DIXDC1: variants seen among roughly 807,000 people sequenced by gnomAD.
DIXDC1 encodes the protein DIX domain containing 1, also known as dixin.
Under a neutral mutation model 103.1 loss-of-function variants are expected in DIXDC1, and 64 were observed. That is an observed-to-expected ratio of 0.62 (90% confidence interval 0.51 to 0.76). The LOEUF is 0.76. Ranked by LOEUF, DIXDC1 falls within the 30% of genes least tolerant of loss-of-function variation. The pLI, the probability that DIXDC1 is intolerant of heterozygous loss-of-function variation, is 0.00. For synonymous variants in DIXDC1, 266 were observed against 298.5 expected, an observed-to-expected ratio of 0.89 and a Z score of 1.12; for missense variants, 759 against 834.2, an observed-to-expected ratio of 0.91 and a Z score of 1.11.
chr11:111,992,485 CA>C lies in DIXDC1; in HGVS notation c.1187del (p.Asn396IlefsTer18). The C allele has an allele frequency of 6.4e-7, 1 of 1,573,592 alleles. No homozygotes were observed. The highest frequency in any genetic ancestry group is 8.6e-7 in the Non-Finnish European group (1 of 1,158,746). On this transcript the variant is annotated frameshift_variant, in exon 11 of 20. Transcript: ENST00000440460. LOFTEE classifies it high-confidence loss of function. ...VLQLKQELLR[A>X]NMDKDELHNQ... Reference sequence around the variant, plus strand: ...CAGCTCAAACAAGAGCTACTGAGGGCAAATATGGACAAAGATGAGCTGCACA... The same window carrying C: ...CAGCTCAAACAAGAGCTACTGAGGGCAATATGGACAAAGATGAGCTGCACA...
chr11:111,979,078 G>C (rs782386397), intron 5 of DIXDC1, among the ~76,000 whole-genome samples: 2 of 152,228 alleles, frequency 1.3e-5, no homozygotes, highest in Non-Finnish European at 2.9e-5. Context: ...TAGATCTATA[G>C]ATATGGTTAA....
intron 1 of DIXDC1, among the ~76,000 whole-genome samples, chr11:111,956,510 A>G (rs1859370222): frequency 6.6e-6 from 1 of 152,088 alleles, no homozygotes; most frequent in Non-Finnish European, 1.5e-5. Context: ...TTTTTTTAAG[A>G]TGGAGTTTCA....
At chr11:111,997,288 T>C (rs1215101719) in intron 17 of DIXDC1, among the ~76,000 whole-genome samples, 1 of 152,200 alleles carries the variant, frequency 6.6e-6, no homozygotes, top group African/African-American at 2.4e-5. Flanking sequence ...ATCCCAGATA[T>C]CTTTTCCTCT....
At chr11:112,000,517 T>C (rs1555175873) in intron 17 of DIXDC1, among the ~76,000 whole-genome samples, 13 of 151,856 alleles carry the variant, frequency 8.6e-5, no homozygotes. Flanking sequence ...GCCAATGTGG[T>C]GAAACCCCGT....
chr11:111,990,659 G>A (rs1476429939), intron 10 of DIXDC1, among the ~76,000 whole-genome samples: 3 of 151,834 alleles, frequency 2.0e-5, no homozygotes, highest in Non-Finnish European at 2.9e-5. Context: ...CTAGTCTTTT[G>A]CTAATATAAA....
intron 4 of DIXDC1, 122 bp from the exon 5 acceptor site, chr11:111,974,754 C>A: frequency 6.8e-7 from 1 of 1,475,740 alleles, no homozygotes; most frequent in Non-Finnish European, 9.0e-7. Context: ...GTCTTTGAGG[C>A]AGGGGTTTTG....
At chr11:112,011,406 A>G (rs1386733157) in intron 17 of DIXDC1, among the ~76,000 whole-genome samples, 1 of 152,190 alleles carries the variant, frequency 6.6e-6, no homozygotes, top group East Asian at 1.9e-4. Flanking sequence ...CGATTCCTCA[A>G]GGATCTAGAC....
chr11:112,006,345 C>T (rs587690445), intron 17 of DIXDC1, among the ~76,000 whole-genome samples: 140 of 152,280 alleles, frequency 9.2e-4, no homozygotes, highest in African/African-American at 3.2e-3. Flanking sequence ...TAGCCCCCAC[C>T]TCTGGGAGCA....
At chr11:111,988,756 T>C (rs1860588641) in intron 9 of DIXDC1, among the ~76,000 whole-genome samples, 1 of 152,174 alleles carries the variant, frequency 6.6e-6, no homozygotes, top group African/African-American at 2.4e-5. Flanking sequence ...GTATCTTCTT[T>C]CTTGGCAACT....
At chr11:112,016,841 A>C in intron 18 of DIXDC1, 45 bp downstream of exon 18, 4 of 1,518,052 alleles carry the variant, frequency 2.6e-6, no homozygotes, top group Middle Eastern at 3.4e-4. Context: ...GAAGGAAAGG[A>C]AGGCAGAACC....
In DIXDC1 at chr11:112,022,441, C is replaced by T. The variant is rs587613962; in HGVS notation, c.*3405C>T. The T allele has an allele frequency of 6.5e-6, 1 of 152,700 alleles. No homozygotes were observed. Among genetic ancestry groups the T allele is most frequent in the South Asian group, 2.1e-4 (1 of 4,834 alleles). 9.5% of individuals were successfully genotyped at this position (152,700 alleles called of 1,614,324 possible). ...ATTACTGTGTATTCTCCCTGTTTTA[C>T]AATATGTTTTCATGAAGACTATGTT... On this transcript the variant is annotated 3_prime_UTR_variant, in exon 20 of 20. Coordinates refer to ENST00000440460, the MANE Select transcript of DIXDC1 (RefSeq NM_001037954.4). This position sits in a 1 kb window ranked among gnomAD's most constrained non-coding sequence, Gnocchi z 4.9.
Position 111,974,042 on chromosome 11 carries a change from G to A in DIXDC1, c.336G>A (p.Leu112=). Residue 112 remains leucine, a synonymous_variant, in exon 4 of 20, where the codon CTG becomes CTA. Coordinates refer to ENST00000440460, the MANE Select transcript of DIXDC1 (RefSeq NM_001037954.4). ...CTTCAGATATTGTGGATGGAAACCT[G>A]AAGTCTATCATGAGGCTGGTCCTTG... ...TSAKDIVDGN[L]KSIMRLVLAL... 6.2e-7 allele frequency: 1 copy of A among 1,613,914 alleles called. No homozygotes were observed. The highest frequency in any genetic ancestry group is 8.5e-7 in the Non-Finnish European group (1 of 1,179,894).
chr11:111,937,630 T>C lies in DIXDC1; in HGVS notation c.60+71T>C, dbSNP rs1182658704. ...TCTCCCGCCCAGTCTCCGGAAGGGG[T>C]CCTCCTCCTCCTCCATCCTTTGGGG... On this transcript the variant is annotated intron_variant, in intron 1 of 19. Coordinates refer to ENST00000440460, the MANE Select transcript of DIXDC1 (RefSeq NM_001037954.4). The C allele has an allele frequency of 2.2e-6, 3 of 1,381,460 alleles. No individual in the cohort carries two copies. The African/African-American group carries it at 4.3e-5, about 20-fold the overall frequency. 85.6% of individuals were successfully genotyped at this position (1,381,460 alleles called of 1,614,324 possible).
Position 111,992,992 on chromosome 11 carries a change from GGGAGAA to G in DIXDC1, c.1261_1266del (p.Gly421_Glu422del). On this transcript the variant is annotated inframe_deletion, in exon 12 of 20. Coordinates refer to ENST00000440460, the MANE Select transcript of DIXDC1 (RefSeq NM_001037954.4). ...AGCTAGATGAGAGGAACCGGCTCTTGGGAGAATATAAAGTAAGAATGAATATCAGTT... is the reference window on the plus strand; with the variant it reads ...AGCTAGATGAGAGGAACCGGCTCTTGTATAAAGTAAGAATGAATATCAGTT... 1 of 1,605,500 alleles carries G rather than the reference GGGAGAA, an allele frequency of 6.2e-7. No individual in the cohort carries two copies. Among genetic ancestry groups the G allele is most frequent in the Non-Finnish European group, 8.5e-7 (1 of 1,176,076 alleles).
In DIXDC1 at chr11:112,020,118, ATT is replaced by A. The variant is rs1467862563; in HGVS notation, c.*1083_*1084del. Reference sequence around the variant, plus strand: ...GCATGAGTTGTGAATGGCAGGGATCATTCTGGGTAAAAAAAACCTAGAATCAT... The same window carrying A: ...GCATGAGTTGTGAATGGCAGGGATCACTGGGTAAAAAAAACCTAGAATCAT... On this transcript the variant is annotated 3_prime_UTR_variant, in exon 20 of 20. Transcript: ENST00000440460. 6.6e-6 allele frequency: 1 copy of A among 152,322 alleles called. No individual in the cohort carries two copies. The highest frequency in any genetic ancestry group is 2.4e-5 in the African/African-American group (1 of 41,440). 9.4% of individuals were successfully genotyped at this position (152,322 alleles called of 1,614,324 possible).
intron 1 of DIXDC1, among the ~76,000 whole-genome samples, chr11:111,947,886 C>T (rs1966650767): frequency 6.6e-6 from 1 of 152,144 alleles, no homozygotes; most frequent in Non-Finnish European, 1.5e-5. Context: ...GGTATGGTGG[C>T]TCACACCTAT....
Position 112,019,845 on chromosome 11 carries a change from A to T in DIXDC1, c.*809A>T, listed in dbSNP as rs587682307. 2 of 152,268 alleles carry T rather than the reference A, an allele frequency of 1.3e-5. No homozygotes were observed. Among genetic ancestry groups the T allele is most frequent in the South Asian group, 4.1e-4 (2 of 4,830 alleles). The allele number at this position is 152,268 out of a possible 1,614,324, so 9.4% of individuals were successfully genotyped here. On this transcript the variant is annotated 3_prime_UTR_variant, in exon 20 of 20. Coordinates refer to ENST00000440460, the MANE Select transcript of DIXDC1 (RefSeq NM_001037954.4). ...ATAAGGAGTGAAAAGCTCCTTGAAA[A>T]TCCAGGCGGGTATGGAAAGGTGCTG...
upstream of DIXDC1, among the ~76,000 whole-genome samples, chr11:111,936,108 C>T (rs1966178996): frequency 6.6e-6 from 1 of 152,202 alleles, no homozygotes; most frequent in Non-Finnish European, 1.5e-5. Flanking sequence ...CTGGGTCTTC[C>T]AGAAAATCAT....
rs782098448 is a variant in DIXDC1, at chr11:111,977,736, C to T, written c.656+2753C>T. ...CTCAGCCTCCCACTTCACCCGGGGACGCAGGCTTGCTGAAGCCCGAGACAG... is the reference window on the plus strand; with the variant it reads ...CTCAGCCTCCCACTTCACCCGGGGATGCAGGCTTGCTGAAGCCCGAGACAG... On this transcript the variant is annotated intron_variant, in intron 5 of 19. Transcript: ENST00000440460. The surrounding 1 kb of genome is among the most constrained non-coding windows in gnomAD (Gnocchi z 6.1). The T allele has an allele frequency of 5.1e-6, 8 of 1,556,690 alleles. No homozygotes were observed. Among genetic ancestry groups the T allele is most frequent in the East Asian group, 4.9e-5 (2 of 40,952 alleles).
Sources: gnomAD v4.1 joint callset for allele counts (sites outside exome capture counted in the v4.1 genomes callset) on GRCh38, gnomAD v4.1.1 for gene constraint, Gnocchi (gnomAD v3.1) non-coding constraint, MANE v1.5 for transcripts, NCBI Gene and HGNC (gene_info 2026-07-23, HGNC 2026-07-21) for gene names.